The following PTPN4 variants were observed in gnomAD, a reference collection of about 807,000 sequenced individuals.
PTPN4 encodes the protein protein tyrosine phosphatase non-receptor type 4, also known as tyrosine-protein phosphatase non-receptor type 4.
Under a neutral mutation model 135.5 loss-of-function variants are expected in PTPN4, and 49 were observed. The observed-to-expected ratio is 0.36, with a 90% confidence interval of 0.29 to 0.46. PTPN4 has a LOEUF of 0.46. PTPN4 is among the 20% of genes least tolerant of loss of function. The pLI is 1.00. For synonymous variants in PTPN4, 333 were observed against 369.9 expected, an observed-to-expected ratio of 0.90 and a Z score of 1.14; for missense variants, 860 against 1,101.0, an observed-to-expected ratio of 0.78 and a Z score of 3.10.
intron 3 of PTPN4, among the ~76,000 whole-genome samples, chr2:119,868,388 C>G (rs1287660117): frequency 6.6e-6 from 1 of 152,108 alleles, no homozygotes; most frequent in Non-Finnish European, 1.5e-5. Context: ...TAAAATGATA[C>G]AACCACTTTT....
At chr2:119,760,733 C>CTTTTTTTTTTTTTTTTTTTTTTTTTTTTT (rs59953430) in intron 1 of PTPN4, among the ~76,000 whole-genome samples, 1 of 79,908 alleles carries the variant, frequency 1.3e-5, no homozygotes, top group Non-Finnish European at 2.2e-5. Context: ...GGTAGAATTC[C>CTTTTTTTTTTTTTTTTTTTTTTTTTTTTT]TTTTTTTTTT....
intron 2 of PTPN4, among the ~76,000 whole-genome samples, chr2:119,822,584 C>G (rs1310448084): frequency 6.6e-6 from 1 of 152,158 alleles, no homozygotes; most frequent in Non-Finnish European, 1.5e-5. Context: ...GTCTCGATCT[C>G]CTCACCTCGT....
At position 119,977,034 on chromosome 2, in the gene PTPN4, C is replaced by T. The variant is rs1679627932; in HGVS notation, c.2745C>T (p.Gly915=). ...CEAILKVYEE[G]FVKPLTTSTN... Reference sequence around the variant, plus strand: ...CTATTTTGAAAGTTTATGAAGAAGGCTTTGTTAAACCCTTAACAACATCAA... The same window carrying T: ...CTATTTTGAAAGTTTATGAAGAAGGTTTTGTTAAACCCTTAACAACATCAA... The change falls in exon 27 of 27, where the codon GGC becomes GGT. Residue 915 remains glycine, a synonymous_variant. Transcript: ENST00000263708. 1.2e-6 allele frequency: 2 copies of T among 1,606,962 alleles called. No individual in the cohort carries two copies. Among genetic ancestry groups the T allele is most frequent in the Non-Finnish European group, 1.7e-6 (2 of 1,178,022 alleles).
chr2:119,855,810 T>A (rs867135786), intron 2 of PTPN4, among the ~76,000 whole-genome samples: 20 of 151,418 alleles, frequency 1.3e-4, no homozygotes, highest in Middle Eastern at 3.2e-3. Context: ...TTATTTATTA[T>A]TATTTTTTTT....
chr2:119,960,107 A>T (rs1679345811), intron 22 of PTPN4, among the ~76,000 whole-genome samples: 1 of 152,194 alleles, frequency 6.6e-6, no homozygotes, highest in South Asian at 2.1e-4. Context: ...TATGACAAAC[A>T]GAAAAAGATT....
At chr2:119,914,577 GAT>G (rs1228142136) in intron 10 of PTPN4, among the ~76,000 whole-genome samples, 1 of 151,996 alleles carries the variant, frequency 6.6e-6, no homozygotes, top group African/African-American at 2.4e-5. Flanking sequence ...ACTGAGACAG[GAT>G]CCTGAAGGAC....
chr2:119,778,852 G>A (rs1241520994), intron 1 of PTPN4, among the ~76,000 whole-genome samples: 1 of 152,164 alleles, frequency 6.6e-6, no homozygotes, highest in Non-Finnish European at 1.5e-5. Context: ...GTGAATCCCA[G>A]TGTAGGTCCA....
rs974139545 is a variant in PTPN4, at chr2:119,980,188, G to A, written c.*3118G>A. On this transcript the variant is annotated 3_prime_UTR_variant, in exon 27 of 27. Coordinates refer to ENST00000263708, the MANE Select transcript of PTPN4 (RefSeq NM_002830.4). ...GAAATCTGACTTCAGTTGTGCAAAG[G>A]TATGTTAAGACATTAAGACAATTGC... is the stretch of plus-strand genomic sequence containing the variant. 1 of 151,994 alleles carries A rather than the reference G, an allele frequency of 6.6e-6. No homozygotes were observed. Among genetic ancestry groups the A allele is most frequent in the East Asian group, 1.9e-4 (1 of 5,190 alleles). 9.4% of individuals were successfully genotyped at this position (151,994 alleles called of 1,614,324 possible).
chr2:119,950,276 A>T (rs946256500), intron 18 of PTPN4, among the ~76,000 whole-genome samples: 6 of 152,218 alleles, frequency 3.9e-5, no homozygotes, highest in Non-Finnish European at 7.3e-5. Flanking sequence ...TGGTATACAA[A>T]AGCATCATAC....
At chr2:119,776,254 C>T (rs1448742589) in intron 1 of PTPN4, among the ~76,000 whole-genome samples, 1 of 152,172 alleles carries the variant, frequency 6.6e-6, no homozygotes, top group Non-Finnish European at 1.5e-5. Flanking sequence ...TGGCTCACTG[C>T]AAGCTACGCC....
chr2:119,803,012 C>A (rs1437828656), intron 1 of PTPN4, among the ~76,000 whole-genome samples: 2 of 152,104 alleles, frequency 1.3e-5, no homozygotes, highest in Non-Finnish European at 2.9e-5. Context: ...ATTACCATTT[C>A]AATGGTTGCA....
chr2:119,912,298 G>A (rs1364918556), intron 10 of PTPN4, among the ~76,000 whole-genome samples: 1 of 152,152 alleles, frequency 6.6e-6, no homozygotes, highest in Non-Finnish European at 1.5e-5. Context: ...TTCTAGAGGA[G>A]GATCACTGTG....
intron 2 of PTPN4, among the ~76,000 whole-genome samples, chr2:119,823,669 T>G (rs1270160478): frequency 6.6e-6 from 1 of 152,224 alleles, no homozygotes; most frequent in Non-Finnish European, 1.5e-5. Flanking sequence ...ACAACTCAAA[T>G]TCTGTGTTTG....
intron 1 of PTPN4, chr2:119,791,041 T>A (rs1315840945): frequency 6.6e-6 from 1 of 152,198 alleles, no homozygotes; most frequent in Non-Finnish European, 1.5e-5. Flanking sequence ...CTTTACGCAG[T>A]TATATTTTAA....
chr2:119,809,199 C>A (rs904342998), intron 1 of PTPN4, among the ~76,000 whole-genome samples: 2 of 151,446 alleles, frequency 1.3e-5, no homozygotes, highest in African/African-American at 2.4e-5. Flanking sequence ...CATCTAGTAT[C>A]GCTGATATCA....
In PTPN4 at chr2:119,980,067, A is replaced by C. The variant is rs1243125373; in HGVS notation, c.*2997A>C. The stretch of plus-strand genomic sequence containing the variant: ...AAAATAGAGGCAGAGTAAACAGCCT[A>C]AGAAATGATTTCCTTTCTACAGTCT... On this transcript the variant is annotated 3_prime_UTR_variant, in exon 27 of 27. Coordinates refer to ENST00000263708, the MANE Select transcript of PTPN4 (RefSeq NM_002830.4). The C allele has an allele frequency of 6.6e-6, 1 of 152,134 alleles. No individual in the cohort carries two copies. Among genetic ancestry groups the C allele is most frequent in the Non-Finnish European group, 1.5e-5 (1 of 67,970 alleles). The allele number at this position is 152,134 out of a possible 1,614,324, so 9.4% of individuals were successfully genotyped here. A position where few individuals can be genotyped will look rare whatever the true frequency, so the allele number is the denominator to read the frequency against.
chr2:119,790,638 T>G (rs1476759541), intron 1 of PTPN4, among the ~76,000 whole-genome samples: 3 of 152,170 alleles, frequency 2.0e-5, no homozygotes, highest in Non-Finnish European at 4.4e-5. Context: ...AAATCCATTC[T>G]GCTCATCTCT....
chr2:119,768,699 G>T (rs906657629), intron 1 of PTPN4, among the ~76,000 whole-genome samples: 1 of 152,120 alleles, frequency 6.6e-6, no homozygotes, highest in Non-Finnish European at 1.5e-5. Context: ...CGCATTAGTT[G>T]TCTCCTTTCT....
intron 2 of PTPN4, among the ~76,000 whole-genome samples, chr2:119,825,045 A>T (rs1574354082): frequency 1.3e-5 from 2 of 152,298 alleles, no homozygotes; most frequent in Admixed American, 1.3e-4. Flanking sequence ...TGGTAGTTGT[A>T]TAGGGTCTTT....
Sources: gnomAD v4.1 joint callset for allele counts (sites outside exome capture counted in the v4.1 genomes callset) on GRCh38, gnomAD v4.1.1 for gene constraint, MANE v1.5 for transcripts, NCBI Gene and HGNC (gene_info 2026-07-23, HGNC 2026-07-21) for gene names.